GULP1: variants seen among roughly 807,000 people sequenced by gnomAD.
GULP1 encodes PTB domain-containing engulfment adapter protein 1.
In GULP1, 19 loss-of-function variants were observed where a neutral mutation model predicts 40.9. That is an observed-to-expected ratio of 0.46 (90% CI 0.32 to 0.68). The LOEUF is 0.68. GULP1 is among the 30% of genes least tolerant of loss of function. GULP1 has a pLI of 0.03. For missense variants in GULP1, 312 were observed against 362.2 expected (o/e 0.86, Z 1.12); for synonymous variants, 119 against 117.6 (o/e 1.01, Z -0.08).
intron 4 of GULP1, among the ~76,000 whole-genome samples, chr2:188,509,435 A>G (rs1364482072): frequency 6.6e-6 from 1 of 152,120 alleles, no homozygotes; most frequent in Non-Finnish European, 1.5e-5. Context: ...AATCATTGAC[A>G]GAAAGTTTGT....
intron 7 of GULP1, among the ~76,000 whole-genome samples, chr2:188,543,187 A>G (rs770734800): frequency 7.9e-5 from 12 of 152,124 alleles, no homozygotes; most frequent in Non-Finnish European, 1.6e-4. Flanking sequence ...AACTTAAAGT[A>G]TAATTAAAAA....
intron 2 of GULP1, among the ~76,000 whole-genome samples, chr2:188,392,917 T>G (rs377730721): frequency 6.6e-6 from 1 of 152,068 alleles, no homozygotes; most frequent in Non-Finnish European, 1.5e-5. Context: ...TTAAAGGTGA[T>G]TTCTAGCTTT....
chr2:188,533,163 T>A (rs1232498237), intron 6 of GULP1, among the ~76,000 whole-genome samples: 2 of 152,158 alleles, frequency 1.3e-5, no homozygotes, highest in Non-Finnish European at 2.9e-5. Context: ...TAACTTTAAA[T>A]ATTTGTAAAT....
chr2:188,565,198 A>G (rs1697351975), intron 7 of GULP1, among the ~76,000 whole-genome samples: 1 of 152,032 alleles, frequency 6.6e-6, no homozygotes, highest in Non-Finnish European at 1.5e-5. Flanking sequence ...AAAGGATACA[A>G]TGGACTTTAT....
chr2:188,474,054 G>A (rs898847228), intron 2 of GULP1, among the ~76,000 whole-genome samples: 8 of 152,120 alleles, frequency 5.3e-5, no homozygotes, highest in African/African-American at 1.7e-4. Flanking sequence ...ATCTTCTGGT[G>A]CAAGATGTCT....
chr2:188,379,014 A>C (rs937308436), intron 1 of GULP1, among the ~76,000 whole-genome samples: 6 of 152,164 alleles, frequency 3.9e-5, no homozygotes, highest in Non-Finnish European at 8.8e-5. Flanking sequence ...CACTCACACT[A>C]TATATACTGA....
chr2:188,429,619 T>C (rs1323282399), intron 2 of GULP1, among the ~76,000 whole-genome samples: 1 of 152,182 alleles, frequency 6.6e-6, no homozygotes, highest in Admixed American at 6.5e-5. Context: ...TAACAATATT[T>C]GATAAAGACC....
At chr2:188,353,178 G>T (rs1245553575) in intron 1 of GULP1, among the ~76,000 whole-genome samples, 2 of 152,232 alleles carry the variant, frequency 1.3e-5, no homozygotes, top group Middle Eastern at 3.4e-3. Context: ...TTTAGGAAAA[G>T]ACTTGGTAGG....
intron 1 of GULP1, among the ~76,000 whole-genome samples, chr2:188,358,637 A>G (rs2045684407): frequency 6.6e-6 from 1 of 152,166 alleles, no homozygotes; most frequent in South Asian, 2.1e-4. Context: ...ATTATGCAAC[A>G]ATTAAAAACT....
intron 1 of GULP1, among the ~76,000 whole-genome samples, chr2:188,349,449 T>C (rs2044150603): frequency 6.6e-6 from 1 of 152,198 alleles, no homozygotes; most frequent in South Asian, 2.1e-4. Flanking sequence ...GGGTGTGTAG[T>C]GGCATCTCTT....
intron 1 of GULP1, among the ~76,000 whole-genome samples, chr2:188,330,797 G>C (rs1173290212): frequency 1.3e-5 from 2 of 152,132 alleles, no homozygotes; most frequent in Non-Finnish European, 2.9e-5. Context: ...AGGTTCATCT[G>C]GATTACTGGT....
Position 188,320,955 on chromosome 2 carries a change from T to G in GULP1, c.-172+28789T>G, listed in dbSNP as rs189286088. On this transcript the variant is annotated intron_variant, in intron 1 of 11. Transcript: ENST00000409830. ...CTACAAAAGGAAAAGAAACCAACTGTCCTTCAGAGTGAAATGTAGACTACT... is the reference window on the plus strand; with the variant it reads ...CTACAAAAGGAAAAGAAACCAACTGGCCTTCAGAGTGAAATGTAGACTACT... 2.0e-5 allele frequency among the ~76,000 whole-genome samples: 3 copies of G among 151,696 alleles called. No homozygotes were observed. The East Asian group carries it at 5.8e-4, about 29-fold the overall frequency.
intron 7 of GULP1, among the ~76,000 whole-genome samples, chr2:188,563,459 A>T (rs1247956991): frequency 6.6e-6 from 1 of 150,654 alleles, no homozygotes; most frequent in Non-Finnish European, 1.5e-5. Flanking sequence ...AAGAAGTAGA[A>T]AATCTGAATA....
chr2:188,520,266 G>T (rs575453611), intron 4 of GULP1, among the ~76,000 whole-genome samples: 1 of 152,208 alleles, frequency 6.6e-6, no homozygotes, highest in East Asian at 1.9e-4. Context: ...GGCCGGGCGT[G>T]GTGGCCCACA....
chr2:188,451,184 T>C lies in GULP1; in HGVS notation c.-44-26475T>C, dbSNP rs1035368454. The stretch of plus-strand genomic sequence containing the variant: ...ACAATTTATGATGTAAAACACATGG[T>C]ACATTCGGGAGGAAAGCATGTTGTT... On this transcript the variant is annotated intron_variant, in intron 2 of 11. Coordinates refer to ENST00000409830, the MANE Select transcript of GULP1 (RefSeq NM_016315.4). Among the ~76,000 whole-genome samples the C allele has an allele frequency of 2.6e-5, 4 of 152,234 alleles. No individual in the cohort carries two copies. In the East Asian group the frequency reaches 7.7e-4, roughly 29 times the overall value.
In GULP1 at chr2:188,363,443, T is replaced by A. The variant is rs78468441; in HGVS notation, c.-171-20320T>A. Among the ~76,000 whole-genome samples, 4 of 152,210 alleles carry A rather than the reference T, an allele frequency of 2.6e-5. No individual in the cohort carries two copies. In the East Asian group the frequency reaches 7.7e-4, roughly 29 times the overall value. ...GACCTAATTATGGAGGAGTGTAAAA[T>A]TTATCTTGAAAATTCCAAGGAAACA... On this transcript the variant is annotated intron_variant, in intron 1 of 11. Transcript: ENST00000409830.
intron 4 of GULP1, among the ~76,000 whole-genome samples, chr2:188,497,202 T>C (rs1240356465): frequency 6.6e-6 from 1 of 152,074 alleles, no homozygotes; most frequent in Non-Finnish European, 1.5e-5. Context: ...GTGTCAGCAT[T>C]ACTTGCACAT....
chr2:188,515,706 G>GAC (rs58687237), intron 4 of GULP1, among the ~76,000 whole-genome samples: 8,954 of 145,360 alleles, frequency 0.062, 260 homozygotes, highest in African/African-American at 0.086. Flanking sequence ...TACACACACA[G>GAC]ACACACACAC....
At chr2:188,551,928 T>G (rs1693560768) in intron 7 of GULP1, among the ~76,000 whole-genome samples, 1 of 151,794 alleles carries the variant, frequency 6.6e-6, no homozygotes, top group African/African-American at 2.4e-5. Flanking sequence ...GATTATAATA[T>G]TGAGCATGTT....
Sources: allele counts gnomAD v4.1 joint callset (sites outside exome capture counted in the v4.1 genomes callset), GRCh38; gene constraint gnomAD v4.1.1; transcripts MANE v1.5; gene names NCBI Gene and HGNC (gene_info 2026-07-23, HGNC 2026-07-21).